The following TJP1 variants were observed in gnomAD, a reference collection of about 807,000 sequenced individuals.
TJP1 encodes tight junction protein 1.
TJP1 carries 43 observed loss-of-function variants against 194.2 expected under a neutral mutation model. That is an observed-to-expected ratio of 0.22 (90% CI 0.17 to 0.29). The LOEUF (loss-of-function observed/expected upper bound fraction) is 0.29. TJP1 is among the 10% of genes least tolerant of loss of function. TJP1 has a pLI of 1.00. For missense variants in TJP1, 1,971 were observed against 2,185.7 expected (o/e 0.90, Z 1.96); for synonymous variants, 801 against 779.0 (o/e 1.03, Z -0.47).
intron 13 of TJP1, 58 bp downstream of exon 13, chr15:29,733,036 A>T: frequency 6.4e-7 from 1 of 1,554,122 alleles, no homozygotes; most frequent in Non-Finnish European, 8.8e-7. Context: ...AGTGGGATTG[A>T]AATGATCTAT....
intron 2 of TJP1, among the ~76,000 whole-genome samples, chr15:29,945,877 T>C (rs2055264584): frequency 6.6e-6 from 1 of 152,146 alleles, no homozygotes; most frequent in African/African-American, 2.4e-5. Flanking sequence ...CACTGTATCT[T>C]TTCTGCTGTC....
chr15:29,774,325 AT>A (rs1358946608), intron 2 of TJP1, among the ~76,000 whole-genome samples: 3 of 152,158 alleles, frequency 2.0e-5, no homozygotes, highest in Admixed American at 6.5e-5. Flanking sequence ...AAAAAAAAAA[AT>A]CTTCTTAAAA....
intron 10 of TJP1, among the ~76,000 whole-genome samples, chr15:29,738,239 A>G (rs146914577): frequency 1.3e-5 from 2 of 152,296 alleles, no homozygotes; most frequent in African/African-American, 4.8e-5. Context: ...AAGTACTCTC[A>G]CATTCCTAGC....
At chr15:29,953,648 T>C (rs1169901892) in intron 2 of TJP1, among the ~76,000 whole-genome samples, 1 of 152,186 alleles carries the variant, frequency 6.6e-6, no homozygotes. Context: ...AAATGAAACA[T>C]GCGCATTGTG....
At chr15:29,956,394 G>T in intron 1 of TJP1, 1 of 1,282,660 alleles carries the variant, frequency 7.8e-7, no homozygotes, top group South Asian at 1.2e-5. Flanking sequence ...TCTTAAAAAG[G>T]CAGGTTTACA....
chr15:29,735,165 C>T (rs2043944252), intron 11 of TJP1, among the ~76,000 whole-genome samples: 1 of 151,288 alleles, frequency 6.6e-6, no homozygotes, highest in South Asian at 2.1e-4. Flanking sequence ...TGCAGGATTA[C>T]AGGCAGGTTT....
intron 1 of TJP1, among the ~76,000 whole-genome samples, chr15:29,802,885 T>A (rs756188146): frequency 3.3e-5 from 5 of 152,360 alleles, no homozygotes; most frequent in East Asian, 3.9e-4. Context: ...CACTTAACTC[T>A]CTTTGATAAC....
chr15:29,869,808 T>C (rs1283171242), intron 2 of TJP1, among the ~76,000 whole-genome samples: 123 of 126,176 alleles, frequency 9.7e-4, no homozygotes, highest in African/African-American at 3.5e-3. Flanking sequence ...TTTTTTTTTT[T>C]TTTTTTTTTT....
chr15:29,949,436 T>A (rs1356109707), intron 2 of TJP1, among the ~76,000 whole-genome samples: 12 of 113,870 alleles, frequency 1.1e-4, no homozygotes, highest in South Asian at 3.4e-4. Context: ...AACCACCACC[T>A]CCACCTCCAC....
chr15:29,708,499 A>G (rs532537266), intron 25 of TJP1, 60 bp downstream of exon 25: 2 of 1,373,996 alleles, frequency 1.5e-6, no homozygotes, highest in Admixed American at 3.9e-5. Context: ...AATAAACTAC[A>G]ACAAACTCAC....
upstream of TJP1, chr15:29,822,646 G>T (rs1051481011): frequency 1.1e-4 from 27 of 235,696 alleles, no homozygotes; most frequent in African/African-American, 5.6e-4. Context: ...AAGTAACTTG[G>T]AAGACAGTTT....
intron 2 of TJP1, among the ~76,000 whole-genome samples, chr15:29,947,152 T>C (rs886893884): frequency 6.6e-6 from 1 of 152,196 alleles, no homozygotes; most frequent in South Asian, 2.1e-4. Context: ...AAAGTCTCAC[T>C]TCATGAACAC....
At chr15:29,718,152 A>G in intron 21 of TJP1, 34 bp from the exon 22 acceptor site, 1 of 1,555,586 alleles carries the variant, frequency 6.4e-7, no homozygotes, top group South Asian at 1.2e-5. Flanking sequence ...AAAGACAAAT[A>G]TGCCTAAGGA....
At chr15:29,918,068 G>A (rs2054241722) in intron 2 of TJP1, among the ~76,000 whole-genome samples, 2 of 152,176 alleles carry the variant, frequency 1.3e-5, no homozygotes, top group South Asian at 4.2e-4. Context: ...CATGTAAGAA[G>A]AATCATCCAG....
intron 1 of TJP1, among the ~76,000 whole-genome samples, chr15:29,819,555 G>A (rs1247047253): frequency 6.6e-6 from 1 of 152,198 alleles, no homozygotes; most frequent in Non-Finnish European, 1.5e-5. Flanking sequence ...CTGACGGGCT[G>A]CTTTAAATGA....
rs149200782 is a variant in TJP1, at chr15:29,813,864, C to T, written c.27+8138G>A. ...CACCTACAACAGTGATTGGTACACA[C>T]GAGGTAACCAACAAATATCTGCTGA... On this transcript the variant is annotated intron_variant, in intron 1 of 27. Coordinates refer to ENST00000614355, the MANE Select transcript of TJP1 (RefSeq NM_001330239.4). 8.0e-4 allele frequency among the ~76,000 whole-genome samples: 122 copies of T among 152,294 alleles called. 1 individual carries two copies. The East Asian group carries it at 0.021, about 26-fold the overall frequency.
intron 18 of TJP1, among the ~76,000 whole-genome samples, chr15:29,721,849 T>C (rs2042947665): frequency 6.6e-6 from 1 of 152,254 alleles, no homozygotes; most frequent in Non-Finnish European, 1.5e-5. Context: ...ATTCTTGCTA[T>C]GCTTTAGCAA....
At chr15:29,783,221 C>T (rs2047484449) in intron 2 of TJP1, among the ~76,000 whole-genome samples, 1 of 152,142 alleles carries the variant, frequency 6.6e-6, no homozygotes, top group Non-Finnish European at 1.5e-5. Flanking sequence ...TTGCAGTGAG[C>T]CAAGATTGTG....
chr15:29,840,456 G>T (rs2051182641), intron 2 of TJP1, among the ~76,000 whole-genome samples: 1 of 152,184 alleles, frequency 6.6e-6, no homozygotes, highest in Non-Finnish European at 1.5e-5. Context: ...AGAAATGTAG[G>T]TGAGGATAGA....
Sources: gnomAD v4.1 joint callset for allele counts (sites outside exome capture counted in the v4.1 genomes callset) on GRCh38, gnomAD v4.1.1 for gene constraint, MANE v1.5 for transcripts, NCBI Gene and HGNC (gene_info 2026-07-23, HGNC 2026-07-21) for gene names.